SOCS6: variants seen among roughly 807,000 people sequenced by gnomAD.
SOCS6 encodes the protein suppressor of cytokine signaling 6.
Under a neutral mutation model 27.7 loss-of-function variants are expected in SOCS6, and 5 were observed. That is an observed-to-expected ratio of 0.18 (90% confidence interval 0.09 to 0.38). SOCS6 has a LOEUF of 0.38. Among genes scored for constraint, SOCS6 ranks in the 10% least tolerant of loss-of-function variants. The pLI is 1.00. For missense variants in SOCS6, 595 were observed against 688.1 expected, an observed-to-expected ratio of 0.86 and a Z score of 1.51; for synonymous variants, 271 against 260.0, an observed-to-expected ratio of 1.04 and a Z score of -0.41.
Position 70,326,503 on chromosome 18 carries a change from A to G in SOCS6, c.*227A>G, listed in dbSNP as rs543219829. 2 of 527,884 alleles carry G rather than the reference A, an allele frequency of 3.8e-6. No homozygotes were observed. The highest frequency in any genetic ancestry group is 6.6e-5 in the East Asian group (2 of 30,390). 32.7% of individuals were successfully genotyped at this position (527,884 alleles called of 1,614,324 possible). A position where few individuals can be genotyped will look rare whatever the true frequency, so the allele number is the denominator to read the frequency against. On this transcript the variant is annotated 3_prime_UTR_variant, in exon 2 of 2. Transcript: ENST00000397942. ...TCTTGAGGTTTTAGAGGTGTGAATT[A>G]TGTTTCATCAATGTGCAGAATAATC... is the stretch of plus-strand genomic sequence containing the variant.
Position 70,326,316 on chromosome 18 carries a change from A to G in SOCS6, c.*40A>G. On this transcript the variant is annotated 3_prime_UTR_variant, in exon 2 of 2. Transcript: ENST00000397942. ...TGCATCTTGCACTTTGGGAATAAGA[A>G]CAAGAGATTGAAATACAGTTTACAA... The G allele has an allele frequency of 6.7e-7, 1 of 1,496,880 alleles. No individual in the cohort carries two copies. 92.7% of individuals were successfully genotyped at this position (1,496,880 alleles called of 1,614,324 possible).
In SOCS6 at chr18:70,325,262, T is replaced by C. The variant is rs372402820; in HGVS notation, c.594T>C (p.Asn198=). Residue 198 remains asparagine (N), a synonymous_variant, in exon 2 of 2, where the codon AAT becomes AAC. Coordinates refer to ENST00000397942, the MANE Select transcript of SOCS6 (RefSeq NM_004232.4). The surrounding 1 kb of genome is among the most constrained non-coding windows in gnomAD (Gnocchi z 6.3). ...CACTGAAGAGCTCGGCTTCTCATAATGGAGACCTGCATCTTCACCTGGATG... is the reference window on the plus strand; with the variant it reads ...CACTGAAGAGCTCGGCTTCTCATAACGGAGACCTGCATCTTCACCTGGATG... ...ANSLKSSASH[N]GDLHLHLDEH... is the part of the protein sequence containing the mutation. 320 of 1,614,214 alleles carry C rather than the reference T, an allele frequency of 2.0e-4. 6 individuals carry two copies. In the East Asian group the frequency reaches 2.9e-3, roughly 14 times the overall value.
At chr18:70,324,520 CTT>C in intron 1 of SOCS6, 21 bp from the exon 2 acceptor site, 1 of 586,160 alleles carries the variant, frequency 1.7e-6, no homozygotes, top group Non-Finnish European at 2.9e-6. Context: ...TAATATGACT[CTT>C]TTTATATTTT....
At chr18:70,324,427 C>T in intron 1 of SOCS6, 116 bp from the exon 2 acceptor site, 1 of 352,836 alleles carries the variant, frequency 2.8e-6, no homozygotes, top group Non-Finnish European at 5.1e-6. Flanking sequence ...ACAGAGCTGA[C>T]ATTAAGAAAA....
At chr18:70,319,608 TAAAAAAA>T (rs34494275) in intron 1 of SOCS6, among the ~76,000 whole-genome samples, 1 of 126,346 alleles carries the variant, frequency 7.9e-6, no homozygotes, top group Admixed American at 7.9e-5. Context: ...AGCACTTCAG[TAAAAAAA>T]AAAAAAAAAA....
At chr18:70,322,676 AC>A (rs1466895786) in intron 1 of SOCS6, among the ~76,000 whole-genome samples, 12 of 152,222 alleles carry the variant, frequency 7.9e-5, no homozygotes, top group African/African-American at 2.9e-4. Context: ...TTTAAAAGTA[AC>A]TGGTGCTTCA....
rs1398147247 is a variant in SOCS6, at chr18:70,329,649, C to A, written c.*3373C>A. 1 of 167,096 alleles carries A rather than the reference C, an allele frequency of 6.0e-6. No homozygotes were observed. Among genetic ancestry groups the A allele is most frequent in the Non-Finnish European group, 1.5e-5 (1 of 68,098 alleles). The allele number at this position is 167,096 out of a possible 1,614,324, so 10.4% of individuals were successfully genotyped here. Reference sequence around the variant, plus strand: ...ATGAAATCACACTACCAGCAATAGACAGTTTTCTTGAAAACTCTAATAAGG... The same window carrying A: ...ATGAAATCACACTACCAGCAATAGAAAGTTTTCTTGAAAACTCTAATAAGG... On this transcript the variant is annotated 3_prime_UTR_variant, in exon 2 of 2. Transcript: ENST00000397942.
At chr18:70,318,079 C>T (rs1021538990) in intron 1 of SOCS6, among the ~76,000 whole-genome samples, 2 of 152,148 alleles carry the variant, frequency 1.3e-5, no homozygotes, top group South Asian at 4.1e-4. Context: ...GGCCCTCGAA[C>T]GCCTGACCTC....
chr18:70,292,435 G>T (rs183849539), intron 1 of SOCS6, among the ~76,000 whole-genome samples: 1 of 152,208 alleles, frequency 6.6e-6, no homozygotes, highest in African/African-American at 2.4e-5. Flanking sequence ...CGACCTCCCA[G>T]GCTCAAGCGA....
At chr18:70,301,939 G>A (rs2146268512) in intron 1 of SOCS6, among the ~76,000 whole-genome samples, 1 of 152,322 alleles carries the variant, frequency 6.6e-6, no homozygotes, top group South Asian at 2.1e-4. Flanking sequence ...GCGATGATTG[G>A]TAGAGAAGGC....
At chr18:70,302,431 G>C (rs186762034) in intron 1 of SOCS6, among the ~76,000 whole-genome samples, 1 of 152,252 alleles carries the variant, frequency 6.6e-6, no homozygotes, top group African/African-American at 2.4e-5. Context: ...TTGATTTCCA[G>C]ACAGCATTAA....
chr18:70,317,163 G>A (rs2146287868), intron 1 of SOCS6, among the ~76,000 whole-genome samples: 1 of 152,254 alleles, frequency 6.6e-6, no homozygotes, highest in South Asian at 2.1e-4. Flanking sequence ...CCTGAGCAGT[G>A]TACATTGTAC....
intron 1 of SOCS6, among the ~76,000 whole-genome samples, chr18:70,316,949 C>G (rs1446476834): frequency 6.6e-6 from 1 of 152,160 alleles, no homozygotes; most frequent in Non-Finnish European, 1.5e-5. Context: ...TTTAGCACTT[C>G]TTTTAAGTAT....
intron 1 of SOCS6, among the ~76,000 whole-genome samples, chr18:70,315,106 G>T (rs2062406414): frequency 6.6e-6 from 1 of 152,106 alleles, no homozygotes; most frequent in East Asian, 1.9e-4. Flanking sequence ...ATGTTTGCTG[G>T]TATTTACGGT....
chr18:70,310,940 G>A (rs930380200), intron 1 of SOCS6, among the ~76,000 whole-genome samples: 11 of 152,142 alleles, frequency 7.2e-5, no homozygotes, highest in South Asian at 2.1e-4. Context: ...TCTATAAAAC[G>A]GAGATAAAAA....
At chr18:70,289,850 G>C (rs2062290999) in intron 1 of SOCS6, among the ~76,000 whole-genome samples, 1 of 152,176 alleles carries the variant, frequency 6.6e-6, no homozygotes. Context: ...AGTTTGCTTC[G>C]GGAGTTGGCA....
chr18:70,318,962 AAGAG>A (rs1412137933), intron 1 of SOCS6, among the ~76,000 whole-genome samples: 1 of 152,094 alleles, frequency 6.6e-6, no homozygotes, highest in African/African-American at 2.4e-5. Context: ...GAAAAGAAAA[AAGAG>A]AAGAGAAAAG....
chr18:70,305,792 G>A (rs946316587), intron 1 of SOCS6, among the ~76,000 whole-genome samples: 2 of 152,038 alleles, frequency 1.3e-5, no homozygotes, highest in African/African-American at 4.8e-5. Flanking sequence ...TTATTCCTCA[G>A]TCATTTTATA....
chr18:70,309,101 C>G (rs919997573), intron 1 of SOCS6, among the ~76,000 whole-genome samples: 1 of 152,152 alleles, frequency 6.6e-6, no homozygotes, highest in Non-Finnish European at 1.5e-5. Flanking sequence ...GGCCTCTTAA[C>G]AATGCAACTT....
Sources: allele counts gnomAD v4.1 joint callset (sites outside exome capture counted in the v4.1 genomes callset), GRCh38; gene constraint gnomAD v4.1.1; non-coding constraint Gnocchi (gnomAD v3.1); transcripts MANE v1.5; gene names NCBI Gene and HGNC (gene_info 2026-07-23, HGNC 2026-07-21).